Variants in EPM2A observed in about 807,000 individuals in gnomAD.
EPM2A encodes EPM2A glucan phosphatase, laforin, also known as laforin.
EPM2A carries 21 observed loss-of-function variants against 26.5 expected under a neutral mutation model. The observed-to-expected ratio is 0.79, with a 90% CI of 0.56 to 1.14. The LOEUF is 1.14. EPM2A is among the 50% of genes most tolerant of loss of function. The pLI is 0.00. For synonymous variants in EPM2A, 217 were observed against 177.6 expected (o/e 1.22, Z -1.76); for missense variants, 458 against 440.8 (o/e 1.04, Z -0.35).
At chr6:145,423,355 C>A (rs756080146) in intron 4 of EPM2A, among the ~76,000 whole-genome samples, 2 of 151,990 alleles carry the variant, frequency 1.3e-5, no homozygotes. Context: ...AGTTGTTTTA[C>A]GCAGATTTTG....
intron 4 of EPM2A, among the ~76,000 whole-genome samples, chr6:145,482,635 C>T (rs1032827792): frequency 6.6e-5 from 10 of 152,052 alleles, no homozygotes; most frequent in South Asian, 6.2e-4. Context: ...ACCTCACATG[C>T]GCTTGGAGAG....
At chr6:145,706,643 C>T (rs944254749) in intron 1 of EPM2A, among the ~76,000 whole-genome samples, 2 of 152,148 alleles carry the variant, frequency 1.3e-5, no homozygotes, top group East Asian at 1.9e-4. Context: ...GCAGACAACA[C>T]ATAGAGATTA....
chr6:145,449,049 G>A (rs1779164755), intron 4 of EPM2A, among the ~76,000 whole-genome samples: 1 of 152,184 alleles, frequency 6.6e-6, no homozygotes. Flanking sequence ...TATGTGAGAA[G>A]CTTTGCGGGC....
chr6:145,559,692 T>A (rs442409), intron 2 of EPM2A, among the ~76,000 whole-genome samples: 65,773 of 142,876 alleles, frequency 0.46, 15,138 homozygotes, highest in African/African-American at 0.56. Context: ...TTTTTTTTTT[T>A]AAAATGGTGC....
intron 1 of EPM2A, among the ~76,000 whole-genome samples, chr6:145,697,763 G>C (rs1781691543): frequency 6.6e-6 from 1 of 152,198 alleles, no homozygotes; most frequent in Non-Finnish European, 1.5e-5. Flanking sequence ...GGCGGTCAGA[G>C]TTTAAGGTTA....
intron 4 of EPM2A, among the ~76,000 whole-genome samples, chr6:145,437,719 A>G (rs183041861): frequency 9.5e-4 from 144 of 152,302 alleles, no homozygotes; most frequent in African/African-American, 3.3e-3. Context: ...CATATGAGGG[A>G]GCCTAGACTC....
At chr6:145,569,751 A>G (rs1378287232) in intron 2 of EPM2A, among the ~76,000 whole-genome samples, 1 of 152,216 alleles carries the variant, frequency 6.6e-6, no homozygotes, top group Non-Finnish European at 1.5e-5. Context: ...TATTATCCTC[A>G]TATTTTAAAA....
intron 2 of EPM2A, among the ~76,000 whole-genome samples, chr6:145,575,988 A>G (rs1043692747): frequency 2.0e-5 from 3 of 152,214 alleles, no homozygotes; most frequent in African/African-American, 7.2e-5. Context: ...GGCATGTGCC[A>G]CCACGCCTGG....
At chr6:145,501,291 T>C (rs1352494409), downstream of EPM2A, among the ~76,000 whole-genome samples, 1 of 152,164 alleles carries the variant, frequency 6.6e-6, no homozygotes, top group Non-Finnish European at 1.5e-5. Flanking sequence ...TGTGCCCAAA[T>C]TGTGGGTCCA....
chr6:145,425,159 T>TTCCTTCC (rs1431824349), intron 4 of EPM2A, among the ~76,000 whole-genome samples: 41 of 128,062 alleles, frequency 3.2e-4, no homozygotes, highest in South Asian at 5.3e-4. Flanking sequence ...CCTTCCTTCC[T>TTCCTTCC]TTCCTTCCGT....
At chr6:145,667,605 G>A (rs1389235847) in intron 2 of EPM2A, among the ~76,000 whole-genome samples, 1 of 151,260 alleles carries the variant, frequency 6.6e-6, no homozygotes, top group East Asian at 1.9e-4. Flanking sequence ...AGTCAGTGTG[G>A]CGATTCCTCA....
At chr6:145,549,243 A>T (rs1018120927) in intron 2 of EPM2A, among the ~76,000 whole-genome samples, 2 of 152,156 alleles carry the variant, frequency 1.3e-5, no homozygotes, top group Non-Finnish European at 2.9e-5. Context: ...ATGTTAATCT[A>T]TCTGTTAAAG....
rs529148938 is a variant in EPM2A, at chr6:145,605,917, A to G, written c.340+29328T>C. Among the ~76,000 whole-genome samples the G allele has an allele frequency of 2.0e-5, 3 of 152,260 alleles. No homozygotes were observed. The Middle Eastern group carries it at 0.01, about 518-fold the overall frequency. ...TGTAGGGGAACAAAAAACTACAGGAAATGTTCATTGCATCTTGGGTTCATT... is the reference window on the plus strand; with the variant it reads ...TGTAGGGGAACAAAAAACTACAGGAGATGTTCATTGCATCTTGGGTTCATT... On this transcript the variant is annotated intron_variant, in intron 2 of 3. Transcript: ENST00000450221.
chr6:145,714,665 A>T (rs955472995), intron 1 of EPM2A, among the ~76,000 whole-genome samples: 2 of 152,244 alleles, frequency 1.3e-5, no homozygotes, highest in Non-Finnish European at 1.5e-5. Flanking sequence ...GAAGCCTCAC[A>T]ATCATGGCAG....
intron 4 of EPM2A, among the ~76,000 whole-genome samples, chr6:145,418,199 A>T (rs990951442): frequency 7.2e-5 from 11 of 152,306 alleles, no homozygotes; most frequent in African/African-American, 2.6e-4. Context: ...CACACAAGCA[A>T]CCACTTGTCT....
chr6:145,618,468 C>T (rs1775562120), intron 2 of EPM2A, among the ~76,000 whole-genome samples: 1 of 152,168 alleles, frequency 6.6e-6, no homozygotes, highest in Non-Finnish European at 1.5e-5. Flanking sequence ...TTCCCATAAT[C>T]CCCATGTGTC....
chr6:145,554,761 T>C (rs538879908), intron 2 of EPM2A, among the ~76,000 whole-genome samples: 1 of 152,186 alleles, frequency 6.6e-6, no homozygotes, highest in South Asian at 2.1e-4. Context: ...CCTAATTACC[T>C]TCCTAAGGCA....
At chr6:145,532,498 G>C (rs1273647473) in intron 2 of EPM2A, among the ~76,000 whole-genome samples, 1 of 152,106 alleles carries the variant, frequency 6.6e-6, no homozygotes, top group Non-Finnish European at 1.5e-5. Context: ...CTCTGGGGGT[G>C]GGGGGAGGCA....
chr6:145,517,867 T>G (rs542459412), intron 2 of EPM2A, among the ~76,000 whole-genome samples: 1 of 152,290 alleles, frequency 6.6e-6, no homozygotes, highest in Admixed American at 6.5e-5. Flanking sequence ...TATCACGTGC[T>G]ACATTACCGT....
Sources: allele counts gnomAD v4.1 joint callset (sites outside exome capture counted in the v4.1 genomes callset), GRCh38; gene constraint gnomAD v4.1.1; transcripts MANE v1.5; gene names NCBI Gene and HGNC (gene_info 2026-07-23, HGNC 2026-07-21).